Variants in SCAP observed in about 807,000 individuals in gnomAD.
SCAP encodes sterol regulatory element-binding protein cleavage-activating protein.
A neutral mutation model predicts 123.6 loss-of-function variants in SCAP; 65 were observed. The ratio of observed to expected loss-of-function variants is 0.53; its 90% CI spans 0.43 to 0.65. The LOEUF is 0.65. Among genes scored for constraint, SCAP ranks in the 30% least tolerant of loss-of-function variants. The pLI, the probability that SCAP is intolerant of heterozygous loss-of-function variation, is 0.00. For missense variants in SCAP, 1,398 were observed against 1,712.5 expected (o/e 0.82, Z 3.24); for synonymous variants, 740 against 726.3 (o/e 1.02, Z -0.30).
chr3:47,443,456 T>TCC (rs372087332), intron 1 of SCAP, among the ~76,000 whole-genome samples: 4 of 151,382 alleles, frequency 2.6e-5, no homozygotes, highest in Admixed American at 6.6e-5. Context: ...CAGGCATTCT[T>TCC]CCCCCCCCTC....
intron 9 of SCAP, 73 bp downstream of exon 9, chr3:47,423,860 G>C (rs544518274): frequency 2.3e-5 from 25 of 1,082,348 alleles, no homozygotes; most frequent in Non-Finnish European, 3.4e-5. Context: ...CTCACAGAGC[G>C]TTAACAGCAA....
rs187169574 is a variant in SCAP at position 47,439,082 on chromosome 3, C to T, written c.122+3790G>A. Among the ~76,000 whole-genome samples the T allele has an allele frequency of 1.1e-3, 165 of 152,190 alleles. 3 individuals are homozygous for T. Among genetic ancestry groups the T allele is most frequent in the African/African-American group, 3.6e-3 (149 of 41,528 alleles). ...TTACGATGGGGTTATGTCCTGATAACGCTGTCGTAAATTGAAAATATCCTA... is the reference window on the plus strand; with the variant it reads ...TTACGATGGGGTTATGTCCTGATAATGCTGTCGTAAATTGAAAATATCCTA... On this transcript the variant is annotated intron_variant, in intron 2 of 22. Coordinates refer to ENST00000265565, the MANE Select transcript of SCAP (RefSeq NM_012235.4). The surrounding 1 kb of genome is among the most constrained non-coding windows in gnomAD (Gnocchi z 4.0).
At chr3:47,425,811 G>A (rs943338225) in intron 7 of SCAP, among the ~76,000 whole-genome samples, 186 bp downstream of exon 7, 7 of 152,206 alleles carry the variant, frequency 4.6e-5, no homozygotes, top group African/African-American at 1.7e-4. Context: ...GGGGCTGAAA[G>A]TGGGAAGAGC....
At chr3:47,466,734 G>A (rs1281635154) in intron 1 of SCAP, among the ~76,000 whole-genome samples, 1 of 152,114 alleles carries the variant, frequency 6.6e-6, no homozygotes, top group African/African-American at 2.4e-5. Flanking sequence ...AGTTTAGCAA[G>A]GATTGAAAAG....
At chr3:47,457,767 C>A (rs1443097884) in intron 1 of SCAP, among the ~76,000 whole-genome samples, 1 of 150,826 alleles carries the variant, frequency 6.6e-6, no homozygotes, top group East Asian at 2.0e-4. Flanking sequence ...ATTAGCTGGG[C>A]CTGGTGGCGG....
At chr3:47,459,938 G>C (rs761468205) in intron 1 of SCAP, among the ~76,000 whole-genome samples, 3 of 152,066 alleles carry the variant, frequency 2.0e-5, no homozygotes. Context: ...CTCCCAGAGC[G>C]GCCATTTATA....
chr3:47,432,144 C>T (rs2107848248), intron 3 of SCAP, among the ~76,000 whole-genome samples: 1 of 151,866 alleles, frequency 6.6e-6, no homozygotes, highest in South Asian at 2.1e-4. Flanking sequence ...TGGTGAAACC[C>T]CGTCTCTACT....
chr3:47,472,032 C>T (rs1474171694), intron 1 of SCAP, among the ~76,000 whole-genome samples: 4 of 151,774 alleles, frequency 2.6e-5, no homozygotes, highest in African/African-American at 4.8e-5. Context: ...CCCAGCTACT[C>T]GGGAGGCTGA....
rs1204978866 is a variant in SCAP at position 47,417,336 on chromosome 3, T to C, written c.2938A>G (p.Ile980Val). Residue 980 changes from isoleucine to valine, a missense_variant, in exon 17 of 23, where the codon ATC becomes GTC. Physicochemically the swap from Ile to Val is conservative, Grantham distance 29. This residue lies in a region of SCAP where 828 missense variants were observed against 882.5 expected (regional missense o/e 0.94). Coordinates refer to ENST00000265565, the MANE Select transcript of SCAP (RefSeq NM_012235.4). ...IWSLELQGNL[I>V]VVGRSSGRLE... ...CGGCCGCTGCTCCGCCCCACCACGA[T>C]GAGGTTGCCCTGCAGCTCCAAGCTC... The C allele has an allele frequency of 6.8e-6, 11 of 1,611,566 alleles. No individual in the cohort carries two copies. Among genetic ancestry groups the C allele is most frequent in the Admixed American group, 1.7e-5 (1 of 59,884 alleles).
rs759375315 is a variant in SCAP at position 47,425,474 on chromosome 3, T to C, written c.1037+11A>G. On this transcript the variant is annotated intron_variant, in intron 8 of 22. Transcript: ENST00000265565. ...CACCCTGTGGCCCAGTGGAGCCTGCTAGGGACCTACCCGCCATTGAGGGTG... is the reference window on the plus strand; with the variant it reads ...CACCCTGTGGCCCAGTGGAGCCTGCCAGGGACCTACCCGCCATTGAGGGTG... The C allele has an allele frequency of 6.2e-6, 10 of 1,613,108 alleles. No homozygotes were observed. The highest frequency in any genetic ancestry group is 6.8e-6 in the Non-Finnish European group (8 of 1,179,834).
At chr3:47,472,034 G>T (rs1708040371) in intron 1 of SCAP, among the ~76,000 whole-genome samples, 2 of 152,032 alleles carry the variant, frequency 1.3e-5, no homozygotes, top group South Asian at 4.2e-4. Context: ...CAGCTACTCG[G>T]GAGGCTGAGG....
At chr3:47,472,750 A>G (rs2108038151) in intron 1 of SCAP, among the ~76,000 whole-genome samples, 1 of 151,734 alleles carries the variant, frequency 6.6e-6, no homozygotes, top group Non-Finnish European at 1.5e-5. Flanking sequence ...CACCCCTACC[A>G]CCTTCTTCCA....
intron 1 of SCAP, 185 bp from the exon 2 acceptor site, chr3:47,443,276 ACTCT>A (rs67862138): frequency 1.7e-4 from 12 of 72,222 alleles, no homozygotes; most frequent in African/African-American, 7.2e-4. Flanking sequence ...ACACACACAC[ACTCT>A]CTCTCTCTCT....
chr3:47,413,941 C>A lies in SCAP; in HGVS notation c.3753G>T (p.Leu1251=). The change falls in exon 23 of 23, where the codon CTG becomes CTT. Residue 1251 remains leucine (L), a synonymous_variant. Transcript: ENST00000265565. ...NSEAQPARQI[L]VLDNAAIVCN... ...AGACAATGGCAGCGTTGTCCAGCAC[C>A]AGGATCTGGCGGGCAGGCTGGGCCT... The A allele has an allele frequency of 1.2e-6, 2 of 1,613,336 alleles. No individual in the cohort carries two copies.
At chr3:47,463,396 AC>A (rs1311393267) in intron 1 of SCAP, among the ~76,000 whole-genome samples, 1 of 152,042 alleles carries the variant, frequency 6.6e-6, no homozygotes, top group African/African-American at 2.4e-5. Flanking sequence ...TAATGTCACT[AC>A]CCTGCTCAAA....
chr3:47,433,259 C>T (rs6442068), intron 3 of SCAP, among the ~76,000 whole-genome samples: 146,021 of 152,246 alleles, frequency 0.96, 70,345 homozygotes, highest in East Asian at 1. Context: ...TCAAGGACAG[C>T]CAATGGAGGT....
chr3:47,473,079 T>TCAAAAAAAAAAAAAAAAAAAAAA, intron 1 of SCAP, among the ~76,000 whole-genome samples: 1 of 1,522 alleles, frequency 6.6e-4, no homozygotes, highest in Non-Finnish European at 2.0e-3. Flanking sequence ...AAACTCCATC[T>TCAAAAAAAAAAAAAAAAAAAAAA]CAAAAAAAAA....
chr3:47,422,483 T>C lies in SCAP; in HGVS notation c.1204A>G (p.Ile402Val). The C allele has an allele frequency of 1.9e-6, 3 of 1,613,858 alleles. No homozygotes were observed. Among genetic ancestry groups the C allele is most frequent in the Non-Finnish European group, 2.5e-6 (3 of 1,179,862 alleles). The change falls in exon 10 of 23, where the codon ATC (isoleucine) becomes GTC (valine). Residue 402 changes from isoleucine to valine, a missense_variant. Ile to Val is a conservative substitution (Grantham distance 29, BLOSUM62 3). Transcript: ENST00000265565. Reference protein sequence around the residue: ...IMKNMATELGIILIGYFTLVP... With the variant: ...IMKNMATELGVILIGYFTLVP... ...AGGGTGAAGTAGCCGATGAGGATGA[T>C]GCCCAGCTCCGTGGCCATGTTCTTC... is the stretch of plus-strand genomic sequence containing the variant.
chr3:47,417,762 A>C lies in SCAP; in HGVS notation c.2512T>G (p.Ser838Ala). ...TCTGGACCAGCCTTCCCACCATCTG[A>C]AAGTCGTTCCCAGCTCTCCTGAGCC... ...LEAQESWERL[S>A]DGGKAGPEEP... The change falls in exon 17 of 23, where the codon TCA (serine) becomes GCA (alanine). Residue 838 changes from serine to alanine, a missense_variant. By Grantham distance (99) the Ser-to-Ala change is moderately conservative (BLOSUM62 1). Coordinates refer to ENST00000265565, the MANE Select transcript of SCAP (RefSeq NM_012235.4). 3 of 1,596,254 alleles carry C rather than the reference A, an allele frequency of 1.9e-6. No individual in the cohort carries two copies.
Sources: gnomAD v4.1 joint callset for allele counts (sites outside exome capture counted in the v4.1 genomes callset) on GRCh38, gnomAD v4.1.1 for gene constraint, gnomAD v4.1.1 regional missense constraint, Gnocchi (gnomAD v3.1) non-coding constraint, MANE v1.5 for transcripts, NCBI Gene and HGNC (gene_info 2026-07-23, HGNC 2026-07-21) for gene names.